ZNF177: variants seen among roughly 807,000 people sequenced by gnomAD.
ZNF177 encodes the protein zinc finger protein 177.
ZNF177 carries 17 observed loss-of-function variants against 19.4 expected under a neutral mutation model. The observed-to-expected ratio is 0.87, with a 90% CI of 0.60 to 1.31. ZNF177 has a LOEUF of 1.31. Among genes scored for constraint, ZNF177 ranks in the 40% most tolerant of loss-of-function variants. The pLI, the probability that ZNF177 is intolerant of heterozygous loss-of-function variation, is 0.00. For synonymous variants in ZNF177, 220 were observed against 188.7 expected (o/e 1.17, Z -1.36); for missense variants, 633 against 561.8 (o/e 1.13, Z -1.28).
At chr19:9,380,669 CAGAAAA>C in exon 6 of ZNF177, 1 of 1,535,532 alleles carries the variant, frequency 6.5e-7, no homozygotes, top group East Asian at 2.4e-5. Flanking sequence ...TTTCAACAGG[CAGAAAA>C]TCAACCTGGT....
chr19:9,378,928 T>C lies in ZNF177; in HGVS notation c.34-34T>C, dbSNP rs199715110. The C allele has an allele frequency of 3.9e-5, 61 of 1,563,882 alleles. No individual in the cohort carries two copies. In the Admixed American group the frequency reaches 1.0e-3, roughly 26 times the overall value. On this transcript the variant is annotated intron_variant, in intron 2 of 5. Coordinates refer to ENST00000589262, the Ensembl canonical transcript of ZNF177. ...CCTGGTACATTGTCAAAAATGGTCA[T>C]TGGCTGAGCCAGAATATGTATGTGA... is the stretch of plus-strand genomic sequence containing the variant.
upstream of ZNF177, among the ~76,000 whole-genome samples, chr19:9,374,216 C>T (rs1219097702): frequency 6.6e-6 from 1 of 152,114 alleles, no homozygotes; most frequent in Non-Finnish European, 1.5e-5. Context: ...ACCATACATG[C>T]CAGGGTTTAT....
chr19:9,379,701 A>T (rs2122556447), intron 4 of ZNF177, 82 bp downstream of exon 6: 1 of 1,478,156 alleles, frequency 6.8e-7, no homozygotes, highest in East Asian at 2.4e-5. Context: ...AAGGAAAAGA[A>T]ATCTGAGGCC....
chr19:9,372,890 A>G (rs188079301), upstream of ZNF177, among the ~76,000 whole-genome samples: 355 of 152,250 alleles, frequency 2.3e-3, 3 homozygotes, highest in Middle Eastern at 0.014. Flanking sequence ...TTCTTGAGGT[A>G]TAATTGACAA....
exon 3 of ZNF177, chr19:9,379,058 C>G (rs1393911330): frequency 1.6e-5 from 25 of 1,608,940 alleles, no homozygotes; most frequent in Non-Finnish European, 1.6e-5. Context: ...AGATGTGATG[C>G]TGGAGAACTT....
upstream of ZNF177, among the ~76,000 whole-genome samples, chr19:9,372,414 C>T (rs890641191): frequency 6.6e-6 from 1 of 152,038 alleles, no homozygotes. Context: ...TTCAGTCATA[C>T]CTAGGAATAG....
chr19:9,380,504 A>G, intron 5 of ZNF177, 164 bp from the exon 8 acceptor site: 3 of 1,420,400 alleles, frequency 2.1e-6, no homozygotes, highest in Non-Finnish European at 9.5e-7. Flanking sequence ...TTCAACTCGA[A>G]AAAGCTAATA....
At chr19:9,368,123 G>A (rs537183403) in intron 2 of ZNF177, among the ~76,000 whole-genome samples, 1 of 152,132 alleles carries the variant, frequency 6.6e-6, no homozygotes, top group East Asian at 1.9e-4. Flanking sequence ...TTTGTTTTCT[G>A]TTTTAAAAGA....
intron 1 of ZNF177, among the ~76,000 whole-genome samples, chr19:9,377,784 A>G (rs999040940): frequency 6.6e-6 from 1 of 152,128 alleles, no homozygotes; most frequent in Non-Finnish European, 1.5e-5. Context: ...TATGGTCCTT[A>G]TGAGTTACTC....
intron 2 of ZNF177, among the ~76,000 whole-genome samples, chr19:9,366,346 C>G (rs115939627): frequency 0.025 from 3,875 of 152,164 alleles, 146 homozygotes; most frequent in African/African-American, 0.08. Flanking sequence ...GTGGTGCCCT[C>G]GACCTCCCTA....
exon 5 of ZNF177, chr19:9,380,120 C>T (rs147006496): frequency 1.6e-4 from 256 of 1,610,596 alleles, no homozygotes; most frequent in Non-Finnish European, 2.1e-4. Flanking sequence ...GGGGGAAAAA[C>T]ATCCAATGGC....
At chr19:9,380,122 T>A (rs966455744) in exon 5 of ZNF177, 2 of 1,610,868 alleles carry the variant, frequency 1.2e-6, no homozygotes, top group African/African-American at 2.7e-5. Flanking sequence ...GGGAAAAACA[T>A]CCAATGGCAT....
At chr19:9,379,906 T>C in intron 4 of ZNF177, 151 bp from the exon 7 acceptor site, 2 of 957,888 alleles carry the variant, frequency 2.1e-6, no homozygotes, top group South Asian at 3.7e-5. Flanking sequence ...TGCTTGTTCC[T>C]ATCACTGGTG....
chr19:9,381,115 G>A, exon 6 of ZNF177: 2 of 1,613,708 alleles, frequency 1.2e-6, no homozygotes, highest in Non-Finnish European at 1.7e-6. Flanking sequence ...TAATGAACAT[G>A]AGAAAACTTT....
At chr19:9,370,202 C>T (rs1399108847) in intron 2 of ZNF177, among the ~76,000 whole-genome samples, 2 of 152,098 alleles carry the variant, frequency 1.3e-5, no homozygotes, top group East Asian at 3.8e-4. Context: ...AGTTGTCTCT[C>T]ATATCCATGG....
chr19:9,379,968 T>C, intron 4 of ZNF177, 89 bp from the exon 7 acceptor site: 1 of 1,442,424 alleles, frequency 6.9e-7, no homozygotes, highest in Non-Finnish European at 9.3e-7. Flanking sequence ...AAGATATTAT[T>C]TGAAAACAAA....
chr19:9,378,461 C>T (rs2068143036), intron 2 of ZNF177, 117 bp downstream of exon 4: 1 of 1,469,554 alleles, frequency 6.8e-7, no homozygotes. Context: ...TCTTCCGCAG[C>T]TCCCAGGCTG....
chr19:9,364,178 A>G (rs1168936263), intron 1 of ZNF177, among the ~76,000 whole-genome samples: 1 of 152,122 alleles, frequency 6.6e-6, no homozygotes, highest in East Asian at 1.9e-4. Flanking sequence ...TCTATTCTTG[A>G]GTTTTTTTAT....
chr19:9,379,256 T>A, intron 3 of ZNF177, 168 bp downstream of exon 5: 2 of 1,239,442 alleles, frequency 1.6e-6, no homozygotes, highest in Non-Finnish European at 2.2e-6. Context: ...ATGCACTGAT[T>A]TCATTTTCTC....
Sources: gnomAD v4.1 joint callset for allele counts (sites outside exome capture counted in the v4.1 genomes callset) on GRCh38, gnomAD v4.1.1 for gene constraint, MANE v1.5 for transcripts, NCBI Gene and HGNC (gene_info 2026-07-23, HGNC 2026-07-21) for gene names.